Variants in PTPRD observed in about 807,000 individuals in gnomAD.
PTPRD encodes the protein receptor-type tyrosine-protein phosphatase delta.
Under a neutral mutation model 214.5 loss-of-function variants are expected in PTPRD, and 34 were observed. The observed-to-expected ratio is 0.16, with a 90% CI of 0.12 to 0.21. The LOEUF is 0.21. PTPRD is among the 10% of genes least tolerant of loss of function. The probability of loss-of-function intolerance (pLI) is 1.00; values close to 1 mark genes in which losing one functional copy is unlikely to be tolerated. For synonymous variants in PTPRD, 1,128 were observed against 845.7 expected (o/e 1.33, Z -5.79); for missense variants, 2,545 against 2,398.7 (o/e 1.06, Z -1.27).
At chr9:9,690,138 T>G (rs74924770) in intron 7 of PTPRD, among the ~76,000 whole-genome samples, 16,510 of 151,992 alleles carry the variant, frequency 0.11, 1,229 homozygotes, top group Middle Eastern at 0.18. Context: ...TTTCTCTACA[T>G]TCTCTCCAGC....
At chr9:10,415,335 T>C (rs1026077998) in intron 2 of PTPRD, among the ~76,000 whole-genome samples, 1 of 151,784 alleles carries the variant, frequency 6.6e-6, no homozygotes, top group African/African-American at 2.4e-5. Flanking sequence ...TGTACAAACA[T>C]ACAATATTTC....
intron 5 of PTPRD, among the ~76,000 whole-genome samples, chr9:9,874,504 G>A (rs781743428): frequency 6.6e-5 from 10 of 152,126 alleles, no homozygotes; most frequent in East Asian, 1.9e-4. Flanking sequence ...AAATGTAAGC[G>A]TGCCTTTCAC....
intron 11 of PTPRD, among the ~76,000 whole-genome samples, chr9:8,754,850 C>G (rs940640750): frequency 6.6e-6 from 1 of 152,268 alleles, no homozygotes; most frequent in Non-Finnish European, 1.5e-5. Context: ...CTATCCATTT[C>G]TATTGTATTC....
At chr9:9,953,482 A>G (rs936119591) in intron 4 of PTPRD, among the ~76,000 whole-genome samples, 1 of 148,446 alleles carries the variant, frequency 6.7e-6, no homozygotes, top group Non-Finnish European at 1.5e-5. Flanking sequence ...ATTAAAATAG[A>G]GGGAATTGTG....
chr9:10,013,854 G>A (rs2154109725), intron 4 of PTPRD, among the ~76,000 whole-genome samples: 1 of 151,996 alleles, frequency 6.6e-6, no homozygotes, highest in Middle Eastern at 3.4e-3. Flanking sequence ...TGGTTAATAT[G>A]CAGAGTCATC....
At chr9:10,031,778 C>T (rs905261435) in intron 4 of PTPRD, among the ~76,000 whole-genome samples, 28 of 150,716 alleles carry the variant, frequency 1.9e-4, no homozygotes, top group Non-Finnish European at 1.3e-4. Flanking sequence ...TTACTAGATT[C>T]GTAGATCAAA....
At chr9:8,845,939 T>A (rs1313277803) in intron 11 of PTPRD, among the ~76,000 whole-genome samples, 1 of 152,212 alleles carries the variant, frequency 6.6e-6, no homozygotes, top group Non-Finnish European at 1.5e-5. Context: ...TTTGGCAGCC[T>A]GGATGAGGCC....
intron 5 of PTPRD, among the ~76,000 whole-genome samples, chr9:9,785,548 A>G (rs1354385085): frequency 6.6e-6 from 1 of 152,096 alleles, no homozygotes; most frequent in Non-Finnish European, 1.5e-5. Context: ...CCGCAAAACA[A>G]CTAAATGGTA....
Position 10,171,027 on chromosome 9 carries a change from C to T in PTPRD, c.-544-137237G>A, listed in dbSNP as rs181989520. ...AGCACCATTACAATTTGGTGCTTGG[C>T]ACATATTAGGCAAACCATATATATT... is the stretch of plus-strand genomic sequence containing the variant. On this transcript the variant is annotated intron_variant, in intron 3 of 45. Transcript: ENST00000381196. Among the ~76,000 whole-genome samples the T allele has an allele frequency of 4.1e-4, 62 of 152,262 alleles. 1 individual carries two copies. Among genetic ancestry groups the T allele is most frequent in the Middle Eastern group, 6.8e-3 (2 of 294 alleles).
chr9:8,954,054 TG>T (rs1179949686), intron 11 of PTPRD, among the ~76,000 whole-genome samples: 1 of 152,038 alleles, frequency 6.6e-6, no homozygotes, highest in Non-Finnish European at 1.5e-5. Flanking sequence ...ATATGTTCAT[TG>T]CAGTGCTATT....
chr9:10,477,631 G>A (rs150908992), intron 2 of PTPRD, among the ~76,000 whole-genome samples: 1 of 152,050 alleles, frequency 6.6e-6, no homozygotes, highest in East Asian at 1.9e-4. Flanking sequence ...CCATTACTGG[G>A]TATATACCCA....
chr9:9,999,365 G>A (rs1313498758), intron 4 of PTPRD, among the ~76,000 whole-genome samples: 1 of 152,124 alleles, frequency 6.6e-6, no homozygotes, highest in African/African-American at 2.4e-5. Context: ...AAGTAACTGG[G>A]GAAGGGCTGC....
At chr9:9,091,953 G>T (rs577902654) in intron 10 of PTPRD, among the ~76,000 whole-genome samples, 1 of 152,130 alleles carries the variant, frequency 6.6e-6, no homozygotes, top group Non-Finnish European at 1.5e-5. Flanking sequence ...TATCTGCCAG[G>T]ATTAGACAAT....
At chr9:10,187,339 A>G (rs933946368) in intron 3 of PTPRD, among the ~76,000 whole-genome samples, 3 of 152,188 alleles carry the variant, frequency 2.0e-5, no homozygotes, top group African/African-American at 7.2e-5. Flanking sequence ...GAGGTAGCCA[A>G]TATCATCTAC....
At chr9:9,352,010 AT>A (rs568578893) in intron 9 of PTPRD, among the ~76,000 whole-genome samples, 101 of 151,958 alleles carry the variant, frequency 6.6e-4, no homozygotes, top group Non-Finnish European at 1.1e-3. Context: ...AGAATACTAT[AT>A]TGTTCAGGCT....
intron 33 of PTPRD, chr9:8,454,498 C>G (rs2096099361): frequency 6.1e-6 from 9 of 1,478,818 alleles, no homozygotes; most frequent in Middle Eastern, 3.4e-4. Context: ...CAGCCCCGCC[C>G]TCCCCTCTTC....
At chr9:8,890,650 A>C (rs929860365) in intron 11 of PTPRD, among the ~76,000 whole-genome samples, 1 of 152,212 alleles carries the variant, frequency 6.6e-6, no homozygotes, top group African/African-American at 2.4e-5. Context: ...CCATTCCTAG[A>C]ACAAATTTTC....
intron 33 of PTPRD, 54 bp downstream of exon 33, chr9:8,460,357 C>A (rs555671430): frequency 1.1e-4 from 174 of 1,596,908 alleles, no homozygotes; most frequent in Non-Finnish European, 1.4e-4. Context: ...ATGATCAAGT[C>A]TTCAAAAATA....
At chr9:8,852,524 T>C (rs2097840678) in intron 11 of PTPRD, among the ~76,000 whole-genome samples, 2 of 152,200 alleles carry the variant, frequency 1.3e-5, no homozygotes, top group South Asian at 4.1e-4. Context: ...ACCTGCCACG[T>C]AAAAGCAGCC....
Sources: gnomAD v4.1 joint callset for allele counts (sites outside exome capture counted in the v4.1 genomes callset) on GRCh38, gnomAD v4.1.1 for gene constraint, MANE v1.5 for transcripts, NCBI Gene and HGNC (gene_info 2026-07-23, HGNC 2026-07-21) for gene names.